Variants in SNX24 observed in about 807,000 individuals in gnomAD.
SNX24 encodes the protein sorting nexin 24, also known as sorting nexin-24.
SNX24 carries 22 observed loss-of-function variants against 28.7 expected under a neutral mutation model. The observed-to-expected ratio is 0.77, with a 90% CI of 0.55 to 1.10. The LOEUF is 1.10. Ranked by LOEUF, SNX24 falls within the 50% of genes least tolerant of loss-of-function variation. The pLI, the probability that SNX24 is intolerant of heterozygous loss-of-function variation, is 0.00. For missense variants in SNX24, 221 were observed against 201.1 expected (o/e 1.10, Z -0.60); for synonymous variants, 69 against 71.5 (o/e 0.96, Z 0.18).
At chr5:122,915,652 G>A (rs559886108) in intron 1 of SNX24, among the ~76,000 whole-genome samples, 4 of 152,124 alleles carry the variant, frequency 2.6e-5, no homozygotes, top group South Asian at 2.1e-4. Flanking sequence ...TTTTTTCATA[G>A]TGCACATCTG....
intron 3 of SNX24, among the ~76,000 whole-genome samples, chr5:122,996,534 A>G (rs1406158436): frequency 6.6e-6 from 1 of 152,240 alleles, no homozygotes; most frequent in African/African-American, 2.4e-5. Flanking sequence ...TCGATGAACA[A>G]TTATCCAAAC....
intron 1 of SNX24, among the ~76,000 whole-genome samples, chr5:122,896,276 A>G (rs1040150637): frequency 5.9e-5 from 9 of 152,234 alleles, no homozygotes; most frequent in Non-Finnish European, 1.2e-4. Flanking sequence ...GACATTGATG[A>G]TTGATCCCAT....
At chr5:122,975,951 A>G (rs1173244572) in intron 3 of SNX24, among the ~76,000 whole-genome samples, 1 of 152,182 alleles carries the variant, frequency 6.6e-6, no homozygotes, top group Non-Finnish European at 1.5e-5. Context: ...CTGTCTTACA[A>G]TTATTCTTAC....
At chr5:122,967,589 A>G (rs1760764533) in intron 3 of SNX24, among the ~76,000 whole-genome samples, 1 of 152,186 alleles carries the variant, frequency 6.6e-6, no homozygotes, top group Non-Finnish European at 1.5e-5. Context: ...AGGTGGATTA[A>G]GCTTTATTAA....
At chr5:122,954,293 A>T (rs933526080) in intron 3 of SNX24, among the ~76,000 whole-genome samples, 1 of 151,954 alleles carries the variant, frequency 6.6e-6, no homozygotes, top group Non-Finnish European at 1.5e-5. Flanking sequence ...TTGTGGGTAC[A>T]TAGTAGGTGT....
chr5:122,937,524 A>C (rs577459851), intron 2 of SNX24, among the ~76,000 whole-genome samples: 1 of 152,222 alleles, frequency 6.6e-6, no homozygotes, highest in Non-Finnish European at 1.5e-5. Context: ...TATTATTGGC[A>C]TGCTGAAATT....
intron 1 of SNX24, chr5:122,890,975 T>A: frequency 7.2e-7 from 1 of 1,384,640 alleles, no homozygotes; most frequent in Non-Finnish European, 9.4e-7. Flanking sequence ...TTAAATAGTA[T>A]ATAAGAGTAT....
chr5:122,980,964 C>T (rs1253131945), intron 3 of SNX24, among the ~76,000 whole-genome samples: 1 of 151,970 alleles, frequency 6.6e-6, no homozygotes, highest in Non-Finnish European at 1.5e-5. Context: ...GAGCTGTGTC[C>T]ATGAGGTCAA....
chr5:122,877,687 A>G (rs1188222258), intron 1 of SNX24, among the ~76,000 whole-genome samples: 1 of 152,100 alleles, frequency 6.6e-6, no homozygotes, highest in Non-Finnish European at 1.5e-5. Context: ...TGCCTACAGG[A>G]AGCCTATCCC....
chr5:122,948,979 G>A (rs1336750274), intron 3 of SNX24, among the ~76,000 whole-genome samples: 2 of 152,258 alleles, frequency 1.3e-5, no homozygotes, highest in East Asian at 3.9e-4. Context: ...GTAGATAGAT[G>A]ATTTTTTAAA....
At chr5:122,899,945 C>A (rs573223863) in intron 1 of SNX24, among the ~76,000 whole-genome samples, 9 of 152,272 alleles carry the variant, frequency 5.9e-5, no homozygotes, top group Non-Finnish European at 1.0e-4. Flanking sequence ...TTGATCTCTC[C>A]CTTTTTTCCA....
At chr5:122,925,075 CCCT>C (rs1193867112) in intron 1 of SNX24, among the ~76,000 whole-genome samples, 2 of 138,654 alleles carry the variant, frequency 1.4e-5, no homozygotes, top group Non-Finnish European at 3.1e-5. Flanking sequence ...TCTCCCTTTT[CCCT>C]CCTCTTCCCT....
intron 5 of SNX24, among the ~76,000 whole-genome samples, chr5:123,014,672 G>A (rs1392112494): frequency 6.6e-6 from 1 of 152,104 alleles, no homozygotes; most frequent in Non-Finnish European, 1.5e-5. Context: ...AAACCAGGGT[G>A]ATCTTTTTAA....
At chr5:122,873,481 AG>A (rs1395240877) in intron 1 of SNX24, among the ~76,000 whole-genome samples, 1 of 152,130 alleles carries the variant, frequency 6.6e-6, no homozygotes, top group African/African-American at 2.4e-5. Context: ...GGTCCTTGGT[AG>A]GGCCTGAAGA....
At chr5:122,964,264 A>AAAAAAAAAAAAAAAAT (rs1760621967) in intron 3 of SNX24, among the ~76,000 whole-genome samples, 1 of 150,890 alleles carries the variant, frequency 6.6e-6, no homozygotes, top group African/African-American at 2.4e-5. Context: ...AAAAAAAAAA[A>AAAAAAAAAAAAAAAAT]AAAAAAAAGA....
chr5:122,975,297 A>G (rs1171195011), intron 3 of SNX24, among the ~76,000 whole-genome samples: 1 of 152,172 alleles, frequency 6.6e-6, no homozygotes, highest in Non-Finnish European at 1.5e-5. Context: ...GCTGCCAGAT[A>G]CATACTTGGT....
At chr5:122,889,005 A>G (rs1475573347) in intron 1 of SNX24, among the ~76,000 whole-genome samples, 1 of 151,910 alleles carries the variant, frequency 6.6e-6, no homozygotes, top group East Asian at 1.9e-4. Context: ...GGCGTGCATC[A>G]CCATGCCTGG....
intron 1 of SNX24, among the ~76,000 whole-genome samples, chr5:122,890,235 T>G (rs1756909284): frequency 6.6e-6 from 1 of 152,124 alleles, no homozygotes. Flanking sequence ...CTGGTTAGGT[T>G]TTGATGTTTT....
chr5:122,914,779 TTCTC>T (rs894501625), intron 1 of SNX24, among the ~76,000 whole-genome samples: 17 of 152,190 alleles, frequency 1.1e-4, no homozygotes, highest in Admixed American at 2.6e-4. Context: ...TATTTGATTC[TTCTC>T]TCTATTTTTC....
Sources: allele counts gnomAD v4.1 joint callset (sites outside exome capture counted in the v4.1 genomes callset), GRCh38; gene constraint gnomAD v4.1.1; transcripts MANE v1.5; gene names NCBI Gene and HGNC (gene_info 2026-07-23, HGNC 2026-07-21).